The following PDE1C variants were observed in gnomAD, a reference collection of about 807,000 sequenced individuals.
The protein encoded by PDE1C is phosphodiesterase 1C.
Under a neutral mutation model 93.1 loss-of-function variants are expected in PDE1C, and 62 were observed. That is an observed-to-expected ratio of 0.67 (90% CI 0.54 to 0.82). The LOEUF is 0.82. Among genes scored for constraint, PDE1C ranks in the 40% least tolerant of loss-of-function variants. PDE1C has a pLI of 0.00. For missense variants in PDE1C, 742 were observed against 884.6 expected (o/e 0.84, Z 2.04); for synonymous variants, 325 against 310.1 (o/e 1.05, Z -0.50).
At chr7:32,172,028 A>G (rs1252706631) in intron 2 of PDE1C, among the ~76,000 whole-genome samples, 1 of 151,648 alleles carries the variant, frequency 6.6e-6, no homozygotes, top group African/African-American at 2.4e-5. Flanking sequence ...GTTCTAAAAT[A>G]AAATTCATAA....
rs1031234695 is a variant in PDE1C, at chr7:32,278,910, T to C, written c.85+19741A>G. 5.4e-4 allele frequency among the ~76,000 whole-genome samples: 82 copies of C among 152,140 alleles called. 1 individual carries two copies. The highest frequency in any genetic ancestry group is 1.7e-3 in the African/African-American group (72 of 41,450). On this transcript the variant is annotated intron_variant, in intron 1 of 18. Coordinates refer to the PDE1C transcript ENST00000396193. The stretch of plus-strand genomic sequence containing the variant: ...AAGCTGGATATAAAAGAGGACTCAA[T>C]AAAAACTGGAGTGAGGATTCTTTGG...
chr7:31,898,299 C>T lies in PDE1C; in HGVS notation c.129-17439G>A, dbSNP rs1290680881. 2.0e-5 allele frequency among the ~76,000 whole-genome samples: 3 copies of T among 151,892 alleles called. No individual in the cohort carries two copies. The East Asian group carries it at 5.8e-4, about 29-fold the overall frequency. On this transcript the variant is annotated intron_variant, in intron 2 of 17. Coordinates refer to ENST00000396191, the MANE Select transcript of PDE1C (RefSeq NM_001191057.4). Reference sequence around the variant, plus strand: ...AAAATAAAATCACATAAAATTGTACCACCTAGGGATTACAACTATTAACAT... The same window carrying T: ...AAAATAAAATCACATAAAATTGTACTACCTAGGGATTACAACTATTAACAT...
Position 31,753,263 on chromosome 7 carries a change from C to A in PDE1C, c.*121G>T. ...TTTCATTTCACCTTGGTGGAGTCAA[C>A]CAGGATAGTACCTGCTCCAACAGCC... On this transcript the variant is annotated 3_prime_UTR_variant, in exon 18 of 18. Transcript: ENST00000396191. 1 of 1,252,674 alleles carries A rather than the reference C, an allele frequency of 8.0e-7. No individual in the cohort carries two copies. Among genetic ancestry groups the A allele is most frequent in the Non-Finnish European group, 1.1e-6 (1 of 918,818 alleles). 77.6% of individuals were successfully genotyped at this position (1,252,674 alleles called of 1,614,324 possible).
At chr7:31,672,435 C>G in the PDE1C span, among the ~76,000 whole-genome samples, 1 of 152,150 alleles carries the variant, frequency 6.6e-6, no homozygotes. Context: ...CAACCTTACT[C>G]CATACCCTCT....
intron 2 of PDE1C, among the ~76,000 whole-genome samples, chr7:32,186,087 G>GTTTTTT (rs10561469): frequency 7.8e-6 from 1 of 128,570 alleles, no homozygotes; most frequent in African/African-American, 2.9e-5. Flanking sequence ...TTGTTTTTTT[G>GTTTTTT]TTTTTTTTTT....
intron 3 of PDE1C, among the ~76,000 whole-genome samples, chr7:32,134,517 T>TA (rs889362785): frequency 4.0e-5 from 6 of 151,536 alleles, no homozygotes; most frequent in East Asian, 1.9e-4. Context: ...CAATGAGGCA[T>TA]AAAAAAAATA....
Position 31,967,071 on chromosome 7 carries a change from T to C in PDE1C, c.128+84483A>G, listed in dbSNP as rs1290277549. On this transcript the variant is annotated intron_variant, in intron 2 of 17. Transcript: ENST00000396191. ...AGAACTAGAGAAGCAAGAGCAAACA[T>C]ATTCAAAAGCTAGCAGAAGGCAAGA... Among the ~76,000 whole-genome samples, 9 of 152,076 alleles carry C rather than the reference T, an allele frequency of 5.9e-5. No homozygotes were observed. The East Asian group carries it at 9.7e-4, about 16-fold the overall frequency.
At chr7:32,257,203 A>G (rs1809863368) in intron 1 of PDE1C, among the ~76,000 whole-genome samples, 1 of 152,232 alleles carries the variant, frequency 6.6e-6, no homozygotes, top group South Asian at 2.1e-4. Context: ...AGATTTTTGA[A>G]GAAGTTAGAC....
chr7:31,720,552 C>T, the PDE1C span, among the ~76,000 whole-genome samples: 151 of 152,328 alleles, frequency 9.9e-4, no homozygotes, highest in African/African-American at 3.5e-3. Context: ...TGAATAGGAA[C>T]AATGTCCCTG....
At chr7:32,233,200 CATT>C (rs1431843373) in intron 1 of PDE1C, among the ~76,000 whole-genome samples, 1 of 151,810 alleles carries the variant, frequency 6.6e-6, no homozygotes, top group Non-Finnish European at 1.5e-5. Flanking sequence ...TGGAGTGAAA[CATT>C]ATAGGTGAAA....
intron 6 of PDE1C, among the ~76,000 whole-genome samples, chr7:31,865,593 T>C (rs754527388): frequency 6.6e-6 from 1 of 152,222 alleles, no homozygotes; most frequent in Non-Finnish European, 1.5e-5. Flanking sequence ...ATTCACTATT[T>C]GTAATGTAGT....
At chr7:31,920,910 T>C (rs1228130474) in intron 2 of PDE1C, among the ~76,000 whole-genome samples, 1 of 152,220 alleles carries the variant, frequency 6.6e-6, no homozygotes, top group East Asian at 1.9e-4. Context: ...ACCCTTCTAA[T>C]ATGCCTGATT....
chr7:31,651,334 C>G, the PDE1C span: 1 of 1,560,934 alleles, frequency 6.4e-7, no homozygotes, highest in Non-Finnish European at 8.7e-7. Context: ...GGAAGATAAT[C>G]AGGGCAGAAC....
At chr7:31,831,500 A>G (rs56097887) in intron 11 of PDE1C, among the ~76,000 whole-genome samples, 1,483 of 7,800 alleles carry the variant, frequency 0.19, 12 homozygotes, top group Non-Finnish European at 0.23. Context: ...ACATGCACGC[A>G]CACACACACA....
chr7:32,279,581 T>C (rs1030778470), intron 1 of PDE1C, among the ~76,000 whole-genome samples: 21 of 152,050 alleles, frequency 1.4e-4, no homozygotes, highest in African/African-American at 4.6e-4. Context: ...TTATACCCCA[T>C]AAATATGTAC....
chr7:31,874,113 G>C (rs779727386), intron 5 of PDE1C, among the ~76,000 whole-genome samples: 21 of 152,176 alleles, frequency 1.4e-4, no homozygotes, highest in Non-Finnish European at 2.6e-4. Flanking sequence ...GGAGTCACTA[G>C]TCTGGGATCT....
intron 1 of PDE1C, among the ~76,000 whole-genome samples, chr7:32,252,601 G>A (rs1809472590): frequency 6.6e-6 from 1 of 152,190 alleles, no homozygotes; most frequent in African/African-American, 2.4e-5. Flanking sequence ...CCACATGGAA[G>A]GAGGATGAAT....
chr7:31,736,626 C>CAA, the PDE1C span, among the ~76,000 whole-genome samples: 1 of 152,194 alleles, frequency 6.6e-6, no homozygotes, highest in Non-Finnish European at 1.5e-5. Flanking sequence ...GAGCCTTTAA[C>CAA]ACTTGGGAAA....
intron 2 of PDE1C, among the ~76,000 whole-genome samples, chr7:32,046,896 T>C (rs1348380371): frequency 2.6e-5 from 4 of 152,166 alleles, no homozygotes; most frequent in Non-Finnish European, 5.9e-5. Flanking sequence ...CTCCAACTCC[T>C]AAACATTCTG....
Sources: gnomAD v4.1 joint callset for allele counts (sites outside exome capture counted in the v4.1 genomes callset) on GRCh38, gnomAD v4.1.1 for gene constraint, MANE v1.5 for transcripts, NCBI Gene and HGNC (gene_info 2026-07-23, HGNC 2026-07-21) for gene names.